Variants in ITGBL1 observed in about 807,000 individuals in gnomAD.
The protein encoded by ITGBL1 is integrin subunit beta like 1, also known as integrin beta-like protein 1.
In ITGBL1, 51 loss-of-function variants were observed where a neutral mutation model predicts 68.5. That is an observed-to-expected ratio of 0.74 (90% CI 0.59 to 0.94). The LOEUF is 0.94. Among genes scored for constraint, ITGBL1 ranks in the 40% least tolerant of loss-of-function variants. The pLI, the probability that ITGBL1 is intolerant of heterozygous loss-of-function variation, is 0.00. For synonymous variants in ITGBL1, 209 were observed against 227.3 expected (o/e 0.92, Z 0.72); for missense variants, 649 against 647.4 (o/e 1.00, Z -0.03).
At chr13:101,611,090 G>A (rs1400440290) in intron 7 of ITGBL1, among the ~76,000 whole-genome samples, 2 of 152,092 alleles carry the variant, frequency 1.3e-5, no homozygotes, top group African/African-American at 4.8e-5. Context: ...CAGCCTGGGG[G>A]GAAATATGTC....
intron 9 of ITGBL1, chr13:101,713,190 A>T (rs541400733): frequency 1.2e-4 from 18 of 152,332 alleles, no homozygotes; most frequent in African/African-American, 4.1e-4. Context: ...TTTCCCTGAT[A>T]TGAAATATCA....
chr13:101,621,983 A>G (rs953229250), intron 7 of ITGBL1, among the ~76,000 whole-genome samples: 1 of 152,080 alleles, frequency 6.6e-6, no homozygotes, highest in Non-Finnish European at 1.5e-5. Flanking sequence ...AGAAAGAAAG[A>G]AATGGGAGGA....
intron 7 of ITGBL1, among the ~76,000 whole-genome samples, chr13:101,605,941 T>C (rs912940901): frequency 3.4e-5 from 5 of 148,660 alleles, no homozygotes; most frequent in African/African-American, 1.2e-4. Flanking sequence ...TATGCGTGTA[T>C]GTGTATATAT....
At chr13:101,695,424 G>A (rs1464787363) in intron 8 of ITGBL1, among the ~76,000 whole-genome samples, 1 of 152,170 alleles carries the variant, frequency 6.6e-6, no homozygotes, top group Non-Finnish European at 1.5e-5. Flanking sequence ...GACGTGTTTT[G>A]TAAACATGTT....
intron 7 of ITGBL1, among the ~76,000 whole-genome samples, chr13:101,649,919 A>G (rs2032687747): frequency 6.6e-6 from 1 of 152,188 alleles, no homozygotes; most frequent in Admixed American, 6.5e-5. Context: ...GGAACCAGAT[A>G]TCTGTGATCT....
chr13:101,555,306 A>G (rs2139221859), intron 2 of ITGBL1, among the ~76,000 whole-genome samples: 1 of 152,260 alleles, frequency 6.6e-6, no homozygotes, highest in Admixed American at 6.5e-5. Context: ...TGTTGTGCAC[A>G]TAAAATGTAC....
intron 7 of ITGBL1, among the ~76,000 whole-genome samples, chr13:101,640,387 G>A (rs2032320658): frequency 6.6e-6 from 1 of 152,122 alleles, no homozygotes; most frequent in Non-Finnish European, 1.5e-5. Flanking sequence ...TTTAGGAGAA[G>A]AATACAATGT....
Position 101,706,782 on chromosome 13 carries a change from T to G in ITGBL1, c.1159T>G (p.Cys387Gly). ...CCACGGCACATGTTCCTGTGGTCGC[T>G]GTGTTTGTGAGAGAGGATGGTTTGG... ...GGHGTCSCGR[C>G]VCERGWFGKL... The change falls in exon 9 of 11, where the codon TGT (cysteine) becomes GGT (glycine). Residue 387 changes from cysteine to glycine, a missense_variant. Coordinates refer to ENST00000376180, the MANE Select transcript of ITGBL1 (RefSeq NM_004791.3). The G allele has an allele frequency of 1.2e-6, 2 of 1,614,146 alleles. No homozygotes were observed. Among genetic ancestry groups the G allele is most frequent in the Non-Finnish European group, 1.7e-6 (2 of 1,179,996 alleles).
At chr13:101,485,133 C>T (rs990918087) in intron 2 of ITGBL1, among the ~76,000 whole-genome samples, 6 of 152,032 alleles carry the variant, frequency 3.9e-5, no homozygotes, top group South Asian at 2.1e-4. Flanking sequence ...TTTTCAAAAA[C>T]AAATGTGAAA....
intron 7 of ITGBL1, among the ~76,000 whole-genome samples, chr13:101,651,620 T>C (rs995020190): frequency 2.0e-5 from 3 of 152,198 alleles, no homozygotes; most frequent in African/African-American, 4.8e-5. Flanking sequence ...TTCTGTAGGT[T>C]GTGTGTTCAC....
chr13:101,709,527 A>G (rs968879786), intron 9 of ITGBL1, among the ~76,000 whole-genome samples: 2 of 152,114 alleles, frequency 1.3e-5, no homozygotes, highest in African/African-American at 4.8e-5. Context: ...TTTTTGAATT[A>G]GATTTTTTTT....
chr13:101,473,048 G>A (rs1252467678), intron 2 of ITGBL1, among the ~76,000 whole-genome samples: 1 of 152,096 alleles, frequency 6.6e-6, no homozygotes, highest in Non-Finnish European at 1.5e-5. Flanking sequence ...ATTTGTAGCT[G>A]CAGAGGTTAT....
rs558789439 is a variant in ITGBL1, at chr13:101,640,235, C to T, written c.1015+41936C>T. 6.4e-4 allele frequency among the ~76,000 whole-genome samples: 97 copies of T among 152,288 alleles called. No homozygotes were observed. In the South Asian group the frequency reaches 1.0e-2, roughly 16 times the overall value. ...GGTTCAACTTATTACTTGTTTATCA[C>T]AAGTTAAAGTTCTTGTTTATCACAA... On this transcript the variant is annotated intron_variant, in intron 7 of 10. Transcript: ENST00000376180.
intron 2 of ITGBL1, among the ~76,000 whole-genome samples, chr13:101,531,368 A>G (rs2049472503): frequency 6.6e-6 from 1 of 152,160 alleles, no homozygotes; most frequent in East Asian, 1.9e-4. Flanking sequence ...CTAATCATTA[A>G]TATTCATTCA....
At chr13:101,540,134 A>G (rs1566722571) in intron 2 of ITGBL1, among the ~76,000 whole-genome samples, 1 of 152,248 alleles carries the variant, frequency 6.6e-6, no homozygotes, top group Non-Finnish European at 1.5e-5. Context: ...GCCCATGCCT[A>G]TGTCCTGAAT....
chr13:101,639,120 A>G (rs1436034584), intron 7 of ITGBL1, among the ~76,000 whole-genome samples: 1 of 152,208 alleles, frequency 6.6e-6, no homozygotes, highest in African/African-American at 2.4e-5. Context: ...GCCCACATCT[A>G]CACATCAACC....
At chr13:101,493,949 A>G (rs1308535511) in intron 2 of ITGBL1, among the ~76,000 whole-genome samples, 2 of 152,172 alleles carry the variant, frequency 1.3e-5, no homozygotes, top group Admixed American at 1.3e-4. Flanking sequence ...ATTTTAACTA[A>G]TTCTATTTCT....
chr13:101,492,675 T>C lies in ITGBL1; in HGVS notation c.316+38575T>C, dbSNP rs528253107. 2.2e-3 allele frequency among the ~76,000 whole-genome samples: 329 copies of C among 152,284 alleles called. 1 individual carries two copies. Among genetic ancestry groups the C allele is most frequent in the Non-Finnish European group, 3.6e-3 (248 of 68,018 alleles). On this transcript the variant is annotated intron_variant, in intron 2 of 10. Transcript: ENST00000376180. ...CTCAAAGCTTGAAAGGGTGAGATTTTCCTTTTCTTTCCCTTGCTGCCCTCC... is the reference window on the plus strand; with the variant it reads ...CTCAAAGCTTGAAAGGGTGAGATTTCCCTTTTCTTTCCCTTGCTGCCCTCC...
chr13:101,693,059 C>G (rs959991953), intron 8 of ITGBL1: 2 of 182,684 alleles, frequency 1.1e-5, no homozygotes, highest in African/African-American at 4.8e-5. Context: ...CACCCACAAA[C>G]TTGAAAAAAT....
Sources: gnomAD v4.1 joint callset for allele counts (sites outside exome capture counted in the v4.1 genomes callset) on GRCh38, gnomAD v4.1.1 for gene constraint, MANE v1.5 for transcripts, NCBI Gene and HGNC (gene_info 2026-07-23, HGNC 2026-07-21) for gene names.